BCAS4: variants seen among roughly 807,000 people sequenced by gnomAD.
The protein encoded by BCAS4 is breast carcinoma amplified sequence 4.
Under a neutral mutation model 15.7 loss-of-function variants are expected in BCAS4, and 9 were observed. That is an observed-to-expected ratio of 0.57 (90% CI 0.34 to 1.00). The LOEUF is 1.00. Among genes scored for constraint, BCAS4 ranks in the 50% least tolerant of loss-of-function variants. The pLI is 0.02. For missense variants in BCAS4, 225 were observed against 239.1 expected (o/e 0.94, Z 0.39); for synonymous variants, 101 against 99.5 (o/e 1.02, Z -0.09).
In BCAS4 at chr20:50,876,602, T is replaced by G; in HGVS notation, c.516T>G (p.Pro172=). Residue 172 remains proline, a synonymous_variant, in exon 5 of 5, where the codon CCT becomes CCG. Transcript: ENST00000371608. ...AQHHPRTCPR[P]L ...ACCACCCCCGCACCTGCCCTCGGCC[T>G]TTGTGAGCTTTGTGGTCTTCCCATC... is the stretch of plus-strand genomic sequence containing the variant. 1 of 1,613,768 alleles carries G rather than the reference T, an allele frequency of 6.2e-7. No homozygotes were observed. The highest frequency in any genetic ancestry group is 2.2e-5 in the East Asian group (1 of 44,866).
chr20:50,870,859 C>T (rs1022294198), intron 4 of BCAS4, among the ~76,000 whole-genome samples: 2 of 152,232 alleles, frequency 1.3e-5, no homozygotes, highest in Middle Eastern at 3.2e-3. Flanking sequence ...GCCCTGCGCC[C>T]CAGCACTCCC....
chr20:50,853,737 GGGGGGTGTTTTGTGTACT>G (rs1568678793), intron 4 of BCAS4, among the ~76,000 whole-genome samples: 1,152 of 36,752 alleles, frequency 0.031, 5 homozygotes, highest in African/African-American at 0.049. Flanking sequence ...TTTGTGTACT[GGGGGGTGTTTTGTGTACT>G]GGGGGTGTTT....
At chr20:50,867,225 G>C (rs1386560325) in intron 4 of BCAS4, among the ~76,000 whole-genome samples, 1 of 152,102 alleles carries the variant, frequency 6.6e-6, no homozygotes, top group Non-Finnish European at 1.5e-5. Context: ...GTCTTTTTCT[G>C]TTCCGGGATC....
chr20:50,819,542 C>T (rs906921227), intron 2 of BCAS4, among the ~76,000 whole-genome samples: 1 of 152,144 alleles, frequency 6.6e-6, no homozygotes, highest in African/African-American at 2.4e-5. Flanking sequence ...TTTCTTTGTG[C>T]CCGGCACAAA....
chr20:50,862,792 A>C (rs1296423472), intron 4 of BCAS4, among the ~76,000 whole-genome samples: 2 of 152,078 alleles, frequency 1.3e-5, no homozygotes, highest in Non-Finnish European at 2.9e-5. Flanking sequence ...GCATCTGAGC[A>C]CCTGCTGGTT....
chr20:50,818,075 G>A (rs771011550), intron 1 of BCAS4, 136 bp from the exon 2 acceptor site: 10 of 745,620 alleles, frequency 1.3e-5, no homozygotes, highest in Non-Finnish European at 2.2e-5. Context: ...TTCAAAGGAG[G>A]CAGTGGAAGG....
intron 2 of BCAS4, among the ~76,000 whole-genome samples, 158 bp downstream of exon 2, chr20:50,818,440 C>T (rs1481874261): frequency 7.2e-6 from 1 of 139,638 alleles, no homozygotes; most frequent in African/African-American, 2.7e-5. Context: ...ACACTCCCTC[C>T]TCTCTCTCTC....
chr20:50,812,837 A>ATTTT (rs2088088422), intron 1 of BCAS4, among the ~76,000 whole-genome samples: 1 of 151,476 alleles, frequency 6.6e-6, no homozygotes. Context: ...TTTTTTTGAG[A>ATTTT]CAGGGTCTTG....
intron 1 of BCAS4, among the ~76,000 whole-genome samples, chr20:50,813,999 G>A (rs769296890): frequency 3.3e-5 from 5 of 152,142 alleles, no homozygotes; most frequent in Non-Finnish European, 7.4e-5. Flanking sequence ...AAAAAGGCAC[G>A]TGGGCTGCAG....
chr20:50,803,206 T>G (rs1375951266), intron 1 of BCAS4, among the ~76,000 whole-genome samples: 1 of 152,088 alleles, frequency 6.6e-6, no homozygotes, highest in African/African-American at 2.4e-5. Flanking sequence ...TCCCAAAGAT[T>G]AGAAATAGCC....
chr20:50,852,285 G>C (rs980032680), intron 4 of BCAS4, among the ~76,000 whole-genome samples: 1 of 152,230 alleles, frequency 6.6e-6, no homozygotes, highest in African/African-American at 2.4e-5. Context: ...GGTTGGGGCT[G>C]TGACTGGCAG....
At chr20:50,804,962 A>G (rs529381906) in intron 1 of BCAS4, among the ~76,000 whole-genome samples, 2 of 151,992 alleles carry the variant, frequency 1.3e-5, no homozygotes, top group Non-Finnish European at 2.9e-5. Flanking sequence ...GGATCTTTCA[A>G]CCTTCATTTC....
chr20:50,817,104 T>C (rs77700270), intron 1 of BCAS4, among the ~76,000 whole-genome samples: 1 of 132,156 alleles, frequency 7.6e-6, no homozygotes, highest in Non-Finnish European at 1.6e-5. Flanking sequence ...CCTGGGCTAA[T>C]TTTTTTTTTT....
chr20:50,812,366 G>C lies in BCAS4; in HGVS notation c.91-5845G>C, dbSNP rs367734797. 3.7e-3 allele frequency among the ~76,000 whole-genome samples: 545 copies of C among 149,022 alleles called. 4 individuals carry two copies. Among genetic ancestry groups the C allele is most frequent in the Middle Eastern group, 0.014 (4 of 280 alleles). On this transcript the variant is annotated intron_variant, in intron 1 of 4. Coordinates refer to ENST00000371608, the MANE Select transcript of BCAS4 (RefSeq NM_198799.4). ...GCCAGGATGGTCTCGATCTCCTGAC[G>C]TTGTGATCCGCCCCCCCTTGGCCTC...
chr20:50,794,986 C>T, upstream of BCAS4: 4 of 1,273,828 alleles, frequency 3.1e-6, no homozygotes, highest in South Asian at 2.6e-5. Context: ...CCAGGCGGTC[C>T]GCGGGGCATG....
chr20:50,814,805 T>C (rs370127650), intron 1 of BCAS4, among the ~76,000 whole-genome samples: 7 of 152,302 alleles, frequency 4.6e-5, no homozygotes, highest in African/African-American at 1.4e-4. Context: ...CCCTTGTTTT[T>C]ATTCTATGGC....
chr20:50,882,536 A>C, the BCAS4 span: 1 of 152,210 alleles, frequency 6.6e-6, no homozygotes, highest in Admixed American at 6.5e-5. Context: ...GATAAACACA[A>C]ATTTGAGAAT....
chr20:50,816,605 A>G (rs1450982588), intron 1 of BCAS4, among the ~76,000 whole-genome samples: 2 of 152,064 alleles, frequency 1.3e-5, no homozygotes, highest in Non-Finnish European at 2.9e-5. Context: ...CACAAGCCTG[A>G]TGGCCTGTTT....
rs527443679 is a variant in BCAS4 at position 50,824,204 on chromosome 20, C to T, written c.162+5922C>T. On this transcript the variant is annotated intron_variant, in intron 2 of 4. Transcript: ENST00000371608. ...GTCCCTCTGAAACTCCAGTGGCCTTCGGCCCACCTTCTGCCAAGGAGCAGA... is the reference window on the plus strand; with the variant it reads ...GTCCCTCTGAAACTCCAGTGGCCTTTGGCCCACCTTCTGCCAAGGAGCAGA... 1.5e-4 allele frequency among the ~76,000 whole-genome samples: 23 copies of T among 152,228 alleles called. 1 individual carries two copies. Among genetic ancestry groups the T allele is most frequent in the Admixed American group, 2.6e-4 (4 of 15,284 alleles).
Sources: gnomAD v4.1 joint callset for allele counts (sites outside exome capture counted in the v4.1 genomes callset) on GRCh38, gnomAD v4.1.1 for gene constraint, MANE v1.5 for transcripts, NCBI Gene and HGNC (gene_info 2026-07-23, HGNC 2026-07-21) for gene names.